BRAF: variants seen among roughly 807,000 people sequenced by gnomAD.
BRAF encodes serine/threonine-protein kinase B-raf.
A neutral mutation model predicts 104.6 loss-of-function variants in BRAF; 16 were observed. The observed-to-expected ratio is 0.15, with a 90% CI of 0.10 to 0.23. BRAF has a LOEUF of 0.23. Among genes scored for constraint, BRAF ranks in the 10% least tolerant of loss-of-function variants. BRAF has a pLI of 1.00. For missense variants in BRAF, 541 were observed against 937.3 expected (o/e 0.58, Z 5.52); for synonymous variants, 310 against 341.6 (o/e 0.91, Z 1.02).
chr7:140,740,031 C>T (rs2130902336), intron 17 of BRAF, 85 bp from the exon 17 acceptor site: 1 of 1,420,894 alleles, frequency 7.0e-7, no homozygotes, highest in Non-Finnish European at 9.7e-7. Context: ...ACACAATAAG[C>T]TGTACATTTA....
intron 14 of BRAF, among the ~76,000 whole-genome samples, chr7:140,770,093 C>T (rs562000130): frequency 1.8e-4 from 27 of 152,246 alleles, no homozygotes; most frequent in African/African-American, 6.3e-4. Context: ...AGGCATTTTG[C>T]CAATTCCAGT....
intron 3 of BRAF, among the ~76,000 whole-genome samples, chr7:140,831,417 A>G (rs922383294): frequency 2.6e-5 from 4 of 152,336 alleles, no homozygotes; most frequent in African/African-American, 4.8e-5. Context: ...GTTCAGGGAC[A>G]TCTGATGTTC....
intron 1 of BRAF, among the ~76,000 whole-genome samples, chr7:140,871,953 A>T (rs1334688293): frequency 6.6e-6 from 1 of 152,164 alleles, no homozygotes; most frequent in Non-Finnish European, 1.5e-5. Context: ...ACGGTGGCTC[A>T]TGCCTGTAAT....
At chr7:140,763,815 A>C (rs1349072288) in intron 14 of BRAF, among the ~76,000 whole-genome samples, 1 of 152,216 alleles carries the variant, frequency 6.6e-6, no homozygotes, top group East Asian at 1.9e-4. Flanking sequence ...ATAGCTTACC[A>C]ACCAAAAAGA....
At chr7:140,829,345 T>TC (rs1806454727) in intron 3 of BRAF, among the ~76,000 whole-genome samples, 1 of 146,302 alleles carries the variant, frequency 6.8e-6, no homozygotes, top group South Asian at 2.1e-4. Flanking sequence ...AGATTTACAT[T>TC]TTTTTTTTTT....
chr7:140,742,498 T>C (rs529446517), intron 17 of BRAF, among the ~76,000 whole-genome samples: 17 of 152,270 alleles, frequency 1.1e-4, no homozygotes, highest in Admixed American at 9.2e-4. Context: ...CCAGCCAACA[T>C]GGTGGTTTTA....
chr7:140,875,254 T>A (rs1812094084), intron 1 of BRAF, among the ~76,000 whole-genome samples: 5 of 152,176 alleles, frequency 3.3e-5, no homozygotes, highest in African/African-American at 1.2e-4. Flanking sequence ...GTCAAAAGCC[T>A]TCCCAAATCT....
intron 3 of BRAF, among the ~76,000 whole-genome samples, chr7:140,814,247 A>G (rs1804586080): frequency 6.6e-6 from 1 of 152,250 alleles, no homozygotes; most frequent in Non-Finnish European, 1.5e-5. Context: ...AGGAAACTTT[A>G]GACCAAAACA....
At chr7:140,765,349 G>A (rs1277566499) in intron 14 of BRAF, among the ~76,000 whole-genome samples, 1 of 151,670 alleles carries the variant, frequency 6.6e-6, no homozygotes, top group Non-Finnish European at 1.5e-5. Flanking sequence ...AAAAACCCTA[G>A]AAGAAAACCT....
At chr7:140,866,647 G>C (rs893036884) in intron 1 of BRAF, among the ~76,000 whole-genome samples, 11 of 152,192 alleles carry the variant, frequency 7.2e-5, no homozygotes, top group African/African-American at 2.7e-4. Context: ...TAAGATCAGA[G>C]AAGCACTAGC....
intron 14 of BRAF, among the ~76,000 whole-genome samples, chr7:140,767,933 G>A (rs1039414292): frequency 6.6e-6 from 1 of 152,198 alleles, no homozygotes; most frequent in African/African-American, 2.4e-5. Context: ...ATACATTACA[G>A]TATATTTTAA....
intron 1 of BRAF, among the ~76,000 whole-genome samples, chr7:140,892,043 G>C (rs1417415534): frequency 6.6e-6 from 1 of 152,124 alleles, no homozygotes; most frequent in African/African-American, 2.4e-5. Flanking sequence ...ATCATTTGAG[G>C]TCAGGAGTTC....
intron 5 of BRAF, among the ~76,000 whole-genome samples, chr7:140,806,668 T>C (rs148133041): frequency 6.6e-6 from 1 of 152,370 alleles, no homozygotes; most frequent in Non-Finnish European, 1.5e-5. Flanking sequence ...TGCTCAACTG[T>C]ATTTGTATTC....
At chr7:140,777,253 A>G (rs115680345) in intron 13 of BRAF, among the ~76,000 whole-genome samples, 165 bp from the exon 13 acceptor site, 2 of 152,322 alleles carry the variant, frequency 1.3e-5, no homozygotes, top group African/African-American at 4.8e-5. Context: ...GCAATTGCCA[A>G]GTCTAACCTC....
chr7:140,715,004 G>T (rs1461416207), downstream of BRAF, among the ~76,000 whole-genome samples: 1 of 152,188 alleles, frequency 6.6e-6, no homozygotes, highest in Non-Finnish European at 1.5e-5. Context: ...GGAACAGAAA[G>T]TCCAGGGCAT....
intron 1 of BRAF, among the ~76,000 whole-genome samples, chr7:140,872,146 T>C (rs972055329): frequency 3.3e-5 from 5 of 151,952 alleles, no homozygotes; most frequent in African/African-American, 1.2e-4. Context: ...ATCTGGAAGG[T>C]GGAGGCTGCA....
chr7:140,762,862 G>GC (rs923092516), intron 14 of BRAF, among the ~76,000 whole-genome samples: 1 of 152,156 alleles, frequency 6.6e-6, no homozygotes, highest in Non-Finnish European at 1.5e-5. Context: ...ATCTTGCACC[G>GC]CCCTTAATCC....
intron 14 of BRAF, among the ~76,000 whole-genome samples, chr7:140,770,847 C>T (rs574666752): frequency 1.5e-3 from 223 of 150,368 alleles, no homozygotes; most frequent in Non-Finnish European, 2.3e-3. Context: ...GCAGGAGAAT[C>T]GCTTGAACCT....
Position 140,807,947 on chromosome 7 carries a change from T to C in BRAF, c.711+13A>G, listed in dbSNP as rs1444150820. On this transcript the variant is annotated intron_variant, in intron 5 of 19. Transcript: ENST00000644969. The stretch of plus-strand genomic sequence containing the variant: ...ATTTTTGACATTTCAAAAAAAAATG[T>C]AAAGATACATACAAAGTTGTGTGTT... 3 of 1,591,670 alleles carry C rather than the reference T, an allele frequency of 1.9e-6. No individual in the cohort carries two copies.
Sources: allele counts gnomAD v4.1 joint callset (sites outside exome capture counted in the v4.1 genomes callset), GRCh38; gene constraint gnomAD v4.1.1; transcripts MANE v1.5; gene names NCBI Gene and HGNC (gene_info 2026-07-23, HGNC 2026-07-21).